The following DNAJC3 variants were observed in gnomAD, a reference collection of about 807,000 sequenced individuals.
The protein encoded by DNAJC3 is dnaJ homolog subfamily C member 3.
DNAJC3 carries 38 observed loss-of-function variants against 68.6 expected under a neutral mutation model. That is an observed-to-expected ratio of 0.55 (90% CI 0.43 to 0.73). The LOEUF (loss-of-function observed/expected upper bound fraction) is 0.73, where lower values mean the gene tolerates loss of function less well. Among genes scored for constraint, DNAJC3 ranks in the 30% least tolerant of loss-of-function variants. DNAJC3 has a pLI of 0.00. For missense variants in DNAJC3, 526 were observed against 591.9 expected, an observed-to-expected ratio of 0.89 and a Z score of 1.16; for synonymous variants, 203 against 204.0, an observed-to-expected ratio of 1.00 and a Z score of 0.04.
rs1882036762 is a variant in DNAJC3, at chr13:95,739,126, T to G, written c.393+13874T>G. Among the ~76,000 whole-genome samples the G allele has an allele frequency of 2.0e-5, 3 of 152,218 alleles. No homozygotes were observed. The South Asian group carries it at 6.2e-4, about 31-fold the overall frequency. On this transcript the variant is annotated intron_variant, in intron 4 of 11. Transcript: ENST00000602402. ...ATGCAATTCTGGGTTGAAAATTCTT[T>G]TCTTTAAGAATGTTGAATATTGGCC...
intron 2 of DNAJC3, among the ~76,000 whole-genome samples, chr13:95,717,570 C>G (rs1302347849): frequency 1.3e-5 from 2 of 151,968 alleles, no homozygotes; most frequent in East Asian, 3.8e-4. Context: ...TGGCTGTGTC[C>G]CCACCCAAAT....
Position 95,791,132 on chromosome 13 carries a change from GTCC to G in DNAJC3, c.*103_*105del, listed in dbSNP as rs1883759621. On this transcript the variant is annotated 3_prime_UTR_variant, in exon 12 of 12. Transcript: ENST00000602402. Reference sequence around the variant, plus strand: ...AAAAAATTTCAAATCTTTTCAGTTTGTCCATGACCAAAGAGTTGCTTTAATAGG... The same window carrying G: ...AAAAAATTTCAAATCTTTTCAGTTTGATGACCAAAGAGTTGCTTTAATAGG... 3 of 1,372,956 alleles carry G rather than the reference GTCC, an allele frequency of 2.2e-6. No individual in the cohort carries two copies. In the South Asian group the frequency reaches 3.9e-5, roughly 18 times the overall value. 85.0% of individuals were successfully genotyped at this position (1,372,956 alleles called of 1,614,324 possible).
intron 10 of DNAJC3, among the ~76,000 whole-genome samples, chr13:95,786,544 A>C (rs931961276): frequency 1.3e-5 from 2 of 152,230 alleles, no homozygotes; most frequent in South Asian, 2.1e-4. Context: ...TTCTGAAATT[A>C]AGTAAATGAT....
intron 5 of DNAJC3, 77 bp downstream of exon 5, chr13:95,757,873 T>G: frequency 7.2e-7 from 1 of 1,382,302 alleles, no homozygotes. Context: ...ACATGTCACA[T>G]ACCACAAAGA....
intron 7 of DNAJC3, among the ~76,000 whole-genome samples, chr13:95,762,793 C>T (rs927345559): frequency 2.0e-5 from 3 of 152,136 alleles, no homozygotes; most frequent in East Asian, 1.9e-4. Flanking sequence ...CACAGGCCTC[C>T]GTGTGTGATG....
chr13:95,729,714 G>A (rs1881653075), intron 4 of DNAJC3, among the ~76,000 whole-genome samples: 1 of 152,032 alleles, frequency 6.6e-6, no homozygotes, highest in Non-Finnish European at 1.5e-5. Context: ...ACTGGGTGAG[G>A]TGTTCTCATT....
At chr13:95,728,129 C>T (rs781438085) in intron 4 of DNAJC3, among the ~76,000 whole-genome samples, 1 of 152,066 alleles carries the variant, frequency 6.6e-6, no homozygotes, top group African/African-American at 2.4e-5. Context: ...GGGTTGTTTC[C>T]ATTTCTTGGC....
intron 1 of DNAJC3, among the ~76,000 whole-genome samples, chr13:95,686,117 A>G (rs1880068652): frequency 6.6e-6 from 1 of 152,134 alleles, no homozygotes; most frequent in Non-Finnish European, 1.5e-5. Context: ...GCCTGCCACC[A>G]TGCCCGGCTA....
intron 5 of DNAJC3, among the ~76,000 whole-genome samples, 189 bp from the exon 6 acceptor site, chr13:95,759,851 A>G (rs528357797): frequency 7.2e-5 from 11 of 152,304 alleles, no homozygotes; most frequent in African/African-American, 2.2e-4. Context: ...TGGAGAAACT[A>G]TTTTGTCACA....
intron 1 of DNAJC3, 43 bp downstream of exon 1, chr13:95,677,380 C>T (rs1328560870): frequency 1.3e-6 from 2 of 1,541,748 alleles, no homozygotes; most frequent in Non-Finnish European, 1.8e-6. Flanking sequence ...GCTCCCGGAC[C>T]AGGCCCCCCG....
intron 10 of DNAJC3, 147 bp from the exon 11 acceptor site, chr13:95,786,860 C>A: frequency 2.3e-6 from 2 of 876,804 alleles, no homozygotes; most frequent in Non-Finnish European, 3.4e-6. Flanking sequence ...ACTGTGTATG[C>A]AGATCTTTGG....
intron 4 of DNAJC3, among the ~76,000 whole-genome samples, chr13:95,730,293 C>G (rs1285389856): frequency 1.3e-5 from 2 of 152,062 alleles, no homozygotes; most frequent in South Asian, 4.1e-4. Flanking sequence ...CATTCCCAGC[C>G]CAGAAGCTTT....
At chr13:95,707,624 G>C (rs576291259) in intron 1 of DNAJC3, among the ~76,000 whole-genome samples, 1 of 152,180 alleles carries the variant, frequency 6.6e-6, no homozygotes, top group African/African-American at 2.4e-5. Context: ...AATACCAATT[G>C]TGTGTCACTC....
chr13:95,750,825 G>T (rs995739984), intron 4 of DNAJC3, among the ~76,000 whole-genome samples: 1 of 151,482 alleles, frequency 6.6e-6, no homozygotes, highest in Non-Finnish European at 1.5e-5. Flanking sequence ...TATTCAATTT[G>T]TCTGTAAACT....
chr13:95,738,636 G>T (rs983065025), intron 4 of DNAJC3, among the ~76,000 whole-genome samples: 2 of 152,120 alleles, frequency 1.3e-5, no homozygotes, highest in African/African-American at 4.8e-5. Context: ...TCAGAGACAA[G>T]GATTGCAACC....
At chr13:95,789,170 T>TGTAA (rs577796475) in intron 11 of DNAJC3, among the ~76,000 whole-genome samples, 140 of 152,336 alleles carry the variant, frequency 9.2e-4, no homozygotes, top group African/African-American at 3.1e-3. Context: ...ATTTTTTTTT[T>TGTAA]GTAAGTTCAG....
chr13:95,740,396 G>C (rs1473043018), intron 4 of DNAJC3, among the ~76,000 whole-genome samples: 5 of 152,154 alleles, frequency 3.3e-5, no homozygotes, highest in Non-Finnish European at 7.4e-5. Flanking sequence ...AATGGCGGGC[G>C]CCCCTCCCCC....
chr13:95,695,950 A>G (rs1421997467), intron 1 of DNAJC3, among the ~76,000 whole-genome samples: 1 of 152,156 alleles, frequency 6.6e-6, no homozygotes, highest in Non-Finnish European at 1.5e-5. Flanking sequence ...TAGTACTCCT[A>G]TGTACTTTGT....
intron 1 of DNAJC3, among the ~76,000 whole-genome samples, chr13:95,692,250 G>T (rs910435884): frequency 6.6e-6 from 1 of 152,150 alleles, no homozygotes; most frequent in South Asian, 2.1e-4. Flanking sequence ...ATATTTTGTG[G>T]TTGTTGGATA....
Sources: gnomAD v4.1 joint callset for allele counts (sites outside exome capture counted in the v4.1 genomes callset) on GRCh38, gnomAD v4.1.1 for gene constraint, MANE v1.5 for transcripts, NCBI Gene and HGNC (gene_info 2026-07-23, HGNC 2026-07-21) for gene names.